Variants in ANK3 observed in about 807,000 individuals in gnomAD.
ANK3 encodes ankyrin-3.
In ANK3, 57 loss-of-function variants were observed where a neutral mutation model predicts 370.9. The observed-to-expected ratio is 0.15, with a 90% CI of 0.12 to 0.19. The LOEUF is 0.19. Ranked by LOEUF, ANK3 falls within the 10% of genes least tolerant of loss-of-function variation. The pLI is 1.00. For synonymous variants in ANK3, 1,929 were observed against 1,946.3 expected (o/e 0.99, Z 0.23); for missense variants, 4,439 against 5,302.1 (o/e 0.84, Z 5.06).
At chr10:60,281,668 T>C (rs1033087965) in intron 1 of ANK3, among the ~76,000 whole-genome samples, 8 of 152,160 alleles carry the variant, frequency 5.3e-5, no homozygotes, top group Non-Finnish European at 1.0e-4. Context: ...ATAAGTAAAT[T>C]GGGTGGAAAT....
At chr10:60,530,442 T>C (rs2076577018) in intron 2 of ANK3, among the ~76,000 whole-genome samples, 1 of 116,614 alleles carries the variant, frequency 8.6e-6, no homozygotes, top group Non-Finnish European at 1.8e-5. Context: ...CTCAATTCTG[T>C]TAATCTTCAC....
chr10:60,260,860 G>A (rs957459561), intron 7 of ANK3, among the ~76,000 whole-genome samples: 6 of 152,170 alleles, frequency 3.9e-5, no homozygotes, highest in South Asian at 2.1e-4. Context: ...TGTACAGCCC[G>A]CAGAACCAGG....
chr10:60,276,900 G>A (rs762876376), intron 4 of ANK3, among the ~76,000 whole-genome samples: 20 of 152,146 alleles, frequency 1.3e-4, no homozygotes, highest in South Asian at 4.1e-4. Context: ...AAAAACATCC[G>A]TTTAAAAGCA....
chr10:60,527,269 A>G lies in ANK3; in HGVS notation c.96+87917T>C, dbSNP rs185196893. Reference sequence around the variant, plus strand: ...TCAAAGCTCCCTAGGTAAGCCTAACATTCATCAGTTGCTTAAGTGCTAGGA... The same window carrying G: ...TCAAAGCTCCCTAGGTAAGCCTAACGTTCATCAGTTGCTTAAGTGCTAGGA... On this transcript the variant is annotated intron_variant, in intron 2 of 43. Coordinates refer to the ANK3 transcript ENST00000373827. Among the ~76,000 whole-genome samples the G allele has an allele frequency of 2.6e-5, 4 of 152,286 alleles. No individual in the cohort carries two copies. In the East Asian group the frequency reaches 7.7e-4, roughly 29 times the overall value.
At chr10:60,180,255 A>G (rs554006000) in intron 18 of ANK3, among the ~76,000 whole-genome samples, 360 of 151,558 alleles carry the variant, frequency 2.4e-3, no homozygotes, top group African/African-American at 8.4e-3. Context: ...AATTTTATTC[A>G]CAATATTTAG....
At chr10:60,429,476 A>G (rs954399136) in intron 2 of ANK3, among the ~76,000 whole-genome samples, 1 of 152,220 alleles carries the variant, frequency 6.6e-6, no homozygotes, top group African/African-American at 2.4e-5. Context: ...AAGCCTTTAC[A>G]GATTAGTAAA....
intron 2 of ANK3, among the ~76,000 whole-genome samples, chr10:60,568,358 G>A (rs190351265): frequency 1.2e-4 from 18 of 152,248 alleles, no homozygotes; most frequent in African/African-American, 4.3e-4. Context: ...ATTAAGACTC[G>A]CAGAAAGTTC....
chr10:60,465,780 T>TCTTTC (rs2064996802), intron 2 of ANK3, among the ~76,000 whole-genome samples: 1 of 148,880 alleles, frequency 6.7e-6, no homozygotes, highest in African/African-American at 2.5e-5. Context: ...CTTTTTCTTT[T>TCTTTC]TTTTCTTTCT....
Position 60,070,447 on chromosome 10 carries a change from G to C in ANK3, c.10434C>G (p.Asp3478Glu), listed in dbSNP as rs2082477329. The change falls in exon 37 of 44, where the codon GAC becomes GAG. Residue 3478 changes from aspartate (D) to glutamate (E), a missense_variant. This residue lies in a region of ANK3 where 1,601 missense variants were observed against 1,731.7 expected (regional missense o/e 0.92). Coordinates refer to ENST00000280772, the MANE Select transcript of ANK3 (RefSeq NM_020987.5). The surrounding 1 kb of genome is among the most constrained non-coding windows in gnomAD (Gnocchi z 5.7). ...EEEGKVGPDE[D>E]KPPSKSSSSE... is the part of the protein sequence containing the mutation. ...ATGAAGAACTTTTAGAAGGTGGCTT[G>C]TCCTCATCTGGTCCCACCTTTCCCT... 6 of 1,614,110 alleles carry C rather than the reference G, an allele frequency of 3.7e-6. No homozygotes were observed. The highest frequency in any genetic ancestry group is 4.2e-6 in the Non-Finnish European group (5 of 1,180,008).
chr10:60,505,118 CAAT>C (rs1277512286), intron 2 of ANK3, among the ~76,000 whole-genome samples: 1 of 152,014 alleles, frequency 6.6e-6, no homozygotes, highest in Non-Finnish European at 1.5e-5. Flanking sequence ...GACAAAATAG[CAAT>C]ATGGCAAAGT....
At chr10:60,414,743 T>C (rs1429351668) in intron 2 of ANK3, among the ~76,000 whole-genome samples, 2 of 152,206 alleles carry the variant, frequency 1.3e-5, no homozygotes, top group Non-Finnish European at 2.9e-5. Context: ...CCATCGCTTT[T>C]TTTGGCTGAA....
chr10:60,238,486 A>C (rs2097368519), intron 7 of ANK3, among the ~76,000 whole-genome samples: 1 of 152,136 alleles, frequency 6.6e-6, no homozygotes, highest in African/African-American at 2.4e-5. Flanking sequence ...CCTTGAACCC[A>C]GACACACACC....
intron 7 of ANK3, among the ~76,000 whole-genome samples, chr10:60,245,675 C>CT (rs2097542228): frequency 6.6e-6 from 1 of 152,180 alleles, no homozygotes; most frequent in African/African-American, 2.4e-5. Flanking sequence ...CTTATCAGTA[C>CT]TTTATTTCTT....
intron 1 of ANK3, among the ~76,000 whole-genome samples, chr10:60,730,252 G>A (rs2080002256): frequency 1.3e-5 from 2 of 151,952 alleles, no homozygotes; most frequent in African/African-American, 2.4e-5. Flanking sequence ...CAACCTCCCA[G>A]GCCCAAGTGA....
chr10:60,264,231 A>G (rs1443807548), intron 5 of ANK3, among the ~76,000 whole-genome samples: 1 of 152,234 alleles, frequency 6.6e-6, no homozygotes, highest in Non-Finnish European at 1.5e-5. Context: ...ATTTGTAATA[A>G]GTTCATGGGT....
intron 2 of ANK3, among the ~76,000 whole-genome samples, chr10:60,540,917 G>A (rs2076832985): frequency 6.6e-6 from 1 of 151,798 alleles, no homozygotes; most frequent in South Asian, 2.1e-4. Context: ...AGAAATATTT[G>A]CAACAGCATG....
intron 1 of ANK3, among the ~76,000 whole-genome samples, chr10:60,660,683 T>C (rs1174695928): frequency 6.6e-6 from 1 of 151,980 alleles, no homozygotes; most frequent in African/African-American, 2.4e-5. Context: ...TTCTCTGGGG[T>C]AGAGGCTGGA....
intron 36 of ANK3, among the ~76,000 whole-genome samples, chr10:60,078,566 T>A (rs2084352183): frequency 6.6e-6 from 1 of 152,172 alleles, no homozygotes; most frequent in Admixed American, 6.5e-5. Context: ...CGTCTATGGT[T>A]TTATACTTCG....
chr10:60,329,706 T>C (rs575428697), intron 1 of ANK3, among the ~76,000 whole-genome samples: 25 of 152,182 alleles, frequency 1.6e-4, no homozygotes, highest in African/African-American at 5.5e-4. Flanking sequence ...AATGGCCATA[T>C]TGCCCAAAGT....
Sources: allele counts gnomAD v4.1 joint callset (sites outside exome capture counted in the v4.1 genomes callset), GRCh38; gene constraint gnomAD v4.1.1; regional missense constraint gnomAD v4.1.1; non-coding constraint Gnocchi (gnomAD v3.1); transcripts MANE v1.5; gene names NCBI Gene and HGNC (gene_info 2026-07-23, HGNC 2026-07-21).